SLC2A13: variants seen among roughly 807,000 people sequenced by gnomAD.
The protein encoded by SLC2A13 is proton myo-inositol cotransporter.
SLC2A13 carries 32 observed loss-of-function variants against 64.4 expected under a neutral mutation model. The ratio of observed to expected loss-of-function variants is 0.50; its 90% confidence interval spans 0.37 to 0.67. The LOEUF is 0.67. SLC2A13 is among the 30% of genes least tolerant of loss of function. SLC2A13 has a pLI of 0.00. For missense variants in SLC2A13, 743 were observed against 829.2 expected (o/e 0.90, Z 1.28); for synonymous variants, 338 against 327.1 (o/e 1.03, Z -0.36).
At chr12:39,836,467 T>C (rs549312982) in intron 6 of SLC2A13, among the ~76,000 whole-genome samples, 113 of 151,984 alleles carry the variant, frequency 7.4e-4, no homozygotes, top group African/African-American at 2.7e-3. Flanking sequence ...CTATTCAACA[T>C]AGTGTTGGAA....
intron 3 of SLC2A13, among the ~76,000 whole-genome samples, chr12:39,999,133 G>C (rs1045303369): frequency 6.6e-6 from 1 of 152,138 alleles, no homozygotes; most frequent in South Asian, 2.1e-4. Flanking sequence ...CATAAGCTGA[G>C]GATGTACGTC....
At position 39,756,883 on chromosome 12, in the gene SLC2A13, C is replaced by T. The variant is rs1207365242; in HGVS notation, c.*3143G>A. On this transcript the variant is annotated 3_prime_UTR_variant, in exon 10 of 10. Coordinates refer to ENST00000280871, the MANE Select transcript of SLC2A13 (RefSeq NM_052885.4). ...TAAAATTAAATTATGAAAAAATAGT[C>T]GGTATTCTCATAGCATTTTGTATCA... is the stretch of plus-strand genomic sequence containing the variant. 4.0e-5 allele frequency: 6 copies of T among 151,410 alleles called. No homozygotes were observed. The highest frequency in any genetic ancestry group is 6.6e-5 in the Admixed American group (1 of 15,160). 9.4% of individuals were successfully genotyped at this position (151,410 alleles called of 1,614,324 possible). A position where few individuals can be genotyped will look rare whatever the true frequency, so the allele number is the denominator to read the frequency against.
At chr12:40,028,873 T>C (rs1448896021) in intron 2 of SLC2A13, among the ~76,000 whole-genome samples, 1 of 152,212 alleles carries the variant, frequency 6.6e-6, no homozygotes, top group East Asian at 1.9e-4. Flanking sequence ...CAATATAAAA[T>C]GGGGCTACGA....
chr12:39,915,583 A>G (rs922266208), intron 4 of SLC2A13, among the ~76,000 whole-genome samples: 1 of 151,994 alleles, frequency 6.6e-6, no homozygotes, highest in Non-Finnish European at 1.5e-5. Context: ...TCGATTTTCA[A>G]TGAGTAAAAG....
chr12:39,782,263 A>G (rs1382185419), intron 7 of SLC2A13, among the ~76,000 whole-genome samples: 1 of 152,146 alleles, frequency 6.6e-6, no homozygotes, highest in Non-Finnish European at 1.5e-5. Flanking sequence ...GTCCCCACTC[A>G]AATCTCAATT....
intron 3 of SLC2A13, among the ~76,000 whole-genome samples, chr12:39,983,131 A>G (rs926984612): frequency 1.3e-5 from 2 of 151,912 alleles, no homozygotes; most frequent in Non-Finnish European, 2.9e-5. Flanking sequence ...CCATATGTAG[A>G]AAGCTGAAAC....
At chr12:40,092,727 A>G (rs1028540959) in intron 1 of SLC2A13, among the ~76,000 whole-genome samples, 2 of 152,238 alleles carry the variant, frequency 1.3e-5, no homozygotes, top group African/African-American at 2.4e-5. Flanking sequence ...CAACTTCCGT[A>G]TCTCCATTCT....
At position 39,785,855 on chromosome 12, in the gene SLC2A13, G is replaced by T. The variant is rs1388222112; in HGVS notation, c.1446-20997C>A. ...GCCCTGCTGGATTTTGGACTTGCAT[G>T]GGGCCTATAACCACTTTGTTTTGGC... On this transcript the variant is annotated intron_variant, in intron 7 of 9. Coordinates refer to ENST00000280871, the MANE Select transcript of SLC2A13 (RefSeq NM_052885.4). Among the ~76,000 whole-genome samples the T allele has an allele frequency of 3.9e-5, 6 of 152,178 alleles. No homozygotes were observed. In the East Asian group the frequency reaches 1.2e-3, roughly 29 times the overall value.
intron 4 of SLC2A13, among the ~76,000 whole-genome samples, chr12:39,922,013 C>T (rs1267058075): frequency 6.6e-6 from 1 of 152,114 alleles, no homozygotes; most frequent in Non-Finnish European, 1.5e-5. Flanking sequence ...GATGTACCTA[C>T]ATTTGTAGGG....
intron 1 of SLC2A13, among the ~76,000 whole-genome samples, chr12:40,088,735 G>A (rs1938667922): frequency 6.6e-6 from 1 of 152,198 alleles, no homozygotes; most frequent in Non-Finnish European, 1.5e-5. Flanking sequence ...TAGGGGTGTA[G>A]CAGGGGAGAC....
intron 3 of SLC2A13, among the ~76,000 whole-genome samples, chr12:39,994,048 C>A (rs1947183040): frequency 6.6e-6 from 1 of 152,144 alleles, no homozygotes; most frequent in Non-Finnish European, 1.5e-5. Flanking sequence ...TTGCAATCTT[C>A]TTTTTCCAGT....
chr12:39,790,375 C>G (rs1941350225), intron 7 of SLC2A13, among the ~76,000 whole-genome samples: 1 of 118,694 alleles, frequency 8.4e-6, no homozygotes, highest in Non-Finnish European at 1.7e-5. Context: ...CCCCCCTCCC[C>G]CCACCCCACC....
At chr12:39,932,366 T>C (rs920491233) in intron 4 of SLC2A13, among the ~76,000 whole-genome samples, 1 of 152,182 alleles carries the variant, frequency 6.6e-6, no homozygotes, top group Non-Finnish European at 1.5e-5. Flanking sequence ...ACCTAGTTCC[T>C]CATCTTTTAA....
Position 39,791,035 on chromosome 12 carries a change from T to C in SLC2A13, c.1446-26177A>G, listed in dbSNP as rs1408020708. Among the ~76,000 whole-genome samples the C allele has an allele frequency of 4.1e-5, 5 of 122,860 alleles. No homozygotes were observed. The East Asian group carries it at 1.3e-3, about 32-fold the overall frequency. 80.6% of individuals were successfully genotyped at this position (122,860 alleles called of 152,430 possible). A position where few individuals can be genotyped will look rare whatever the true frequency, so the allele number is the denominator to read the frequency against. ...AATGTCTTCTTTTGAGAAGTGTCTG[T>C]TCATGTCCTTTGCCCACTTTTTGAT... On this transcript the variant is annotated intron_variant, in intron 7 of 9. Transcript: ENST00000280871.
chr12:39,782,249 C>CTG (rs1754908230), intron 7 of SLC2A13, among the ~76,000 whole-genome samples: 1 of 152,140 alleles, frequency 6.6e-6, no homozygotes, highest in African/African-American at 2.4e-5. Flanking sequence ...CATGGTTTGG[C>CTG]TGTGTCCCCA....
chr12:40,057,462 G>T (rs1309989814), intron 1 of SLC2A13, among the ~76,000 whole-genome samples: 3 of 152,104 alleles, frequency 2.0e-5, no homozygotes, highest in African/African-American at 7.2e-5. Flanking sequence ...AATATGAAAT[G>T]ACATAGAGCA....
chr12:39,849,729 G>C (rs1943415669), intron 6 of SLC2A13, among the ~76,000 whole-genome samples: 1 of 152,042 alleles, frequency 6.6e-6, no homozygotes, highest in Non-Finnish European at 1.5e-5. Flanking sequence ...TTTCATTTAT[G>C]TGTAGATTTC....
At chr12:40,008,456 A>G (rs1332245559) in intron 3 of SLC2A13, among the ~76,000 whole-genome samples, 2 of 151,978 alleles carry the variant, frequency 1.3e-5, no homozygotes, top group African/African-American at 4.8e-5. Flanking sequence ...AAATACAAAA[A>G]CAACATTAGC....
At chr12:40,079,343 T>C (rs1388200242) in intron 1 of SLC2A13, among the ~76,000 whole-genome samples, 1 of 152,230 alleles carries the variant, frequency 6.6e-6, no homozygotes, top group Non-Finnish European at 1.5e-5. Context: ...AAATAACTTA[T>C]TGATTTGTAC....
Sources: gnomAD v4.1 joint callset for allele counts (sites outside exome capture counted in the v4.1 genomes callset) on GRCh38, gnomAD v4.1.1 for gene constraint, MANE v1.5 for transcripts, NCBI Gene and HGNC (gene_info 2026-07-23, HGNC 2026-07-21) for gene names.